Variants in CEP70 observed in about 807,000 individuals in gnomAD.
CEP70 encodes the protein centrosomal protein 70.
CEP70 carries 70 observed loss-of-function variants against 90.9 expected under a neutral mutation model. The observed-to-expected ratio is 0.77, with a 90% CI of 0.64 to 0.94. The LOEUF (loss-of-function observed/expected upper bound fraction) is 0.94, where lower values mean the gene tolerates loss of function less well. Ranked by LOEUF, CEP70 falls within the 40% of genes least tolerant of loss-of-function variation. The pLI is 0.00. For missense variants in CEP70, 648 were observed against 669.0 expected, an observed-to-expected ratio of 0.97 and a Z score of 0.35; for synonymous variants, 220 against 228.3, an observed-to-expected ratio of 0.96 and a Z score of 0.33.
intron 6 of CEP70, among the ~76,000 whole-genome samples, chr3:138,549,529 C>T (rs755187508): frequency 1.3e-5 from 2 of 152,064 alleles, no homozygotes; most frequent in African/African-American, 2.4e-5. Flanking sequence ...GGGACCCATA[C>T]CCCCATGCCC....
Position 138,537,204 on chromosome 3 carries a change from TC to T in CEP70, c.608del (p.Arg203LysfsTer14). 1 of 1,574,702 alleles carries T rather than the reference TC, an allele frequency of 6.4e-7. No homozygotes were observed. The highest frequency in any genetic ancestry group is 8.6e-7 in the Non-Finnish European group (1 of 1,164,848). On this transcript the variant is annotated frameshift_variant, in exon 7 of 18. Coordinates refer to ENST00000264982, the MANE Select transcript of CEP70 (RefSeq NM_024491.4). LOFTEE classifies it high-confidence loss of function. ...QNRVFAYLCK[R>X]VPHTVLDRQL... ...GTCTATCCAAGACGGTATGAGGAAC[TC>T]TTTTGCACAGATAGGCAAACACTCT...
At chr3:138,496,428 A>C in intron 17 of CEP70, 2 of 985,436 alleles carry the variant, frequency 2.0e-6, no homozygotes, top group Non-Finnish European at 1.2e-6. Context: ...ATTTGTTTAC[A>C]ATTCCCTTAC....
chr3:138,528,906 C>T (rs780979848), intron 10 of CEP70, among the ~76,000 whole-genome samples: 6 of 152,112 alleles, frequency 3.9e-5, no homozygotes, highest in Non-Finnish European at 8.8e-5. Flanking sequence ...GCAGAAGAAT[C>T]GCTTGAACCT....
chr3:138,570,546 C>T (rs761552628), intron 5 of CEP70, 48 bp from the exon 6 acceptor site: 22 of 1,428,270 alleles, frequency 1.5e-5, no homozygotes, highest in East Asian at 4.8e-5. Context: ...AAAAATAAAT[C>T]GAATTACCAA....
At chr3:138,589,022 G>A (rs2042245276) in intron 2 of CEP70, among the ~76,000 whole-genome samples, 1 of 152,184 alleles carries the variant, frequency 6.6e-6, no homozygotes, top group Admixed American at 6.5e-5. Flanking sequence ...AACCAACTGT[G>A]GTGATAGAAA....
At chr3:138,528,085 C>T (rs1560338992) in intron 10 of CEP70, among the ~76,000 whole-genome samples, 1 of 147,286 alleles carries the variant, frequency 6.8e-6, no homozygotes, top group African/African-American at 2.5e-5. Context: ...CGCTCTGTCA[C>T]ACAGGCTGGA....
At chr3:138,497,783 A>AT (rs2034082690) in intron 17 of CEP70, 1 of 985,098 alleles carries the variant, frequency 1.0e-6, no homozygotes, top group African/African-American at 1.7e-5. Context: ...CATGGACAGA[A>AT]TGATGCCATC....
chr3:138,581,694 CAAA>C (rs35064874), intron 2 of CEP70, among the ~76,000 whole-genome samples: 14 of 79,332 alleles, frequency 1.8e-4, no homozygotes, highest in African/African-American at 4.8e-4. Context: ...AAACTTGTCT[CAAA>C]AAAAAAAAAA....
chr3:138,587,800 AAAG>A (rs771819449), intron 2 of CEP70, among the ~76,000 whole-genome samples: 1 of 152,144 alleles, frequency 6.6e-6, no homozygotes, highest in African/African-American at 2.4e-5. Context: ...AATGAATGAA[AAAG>A]AAGAACAAAG....
At chr3:138,519,852 T>C (rs1350254093) in intron 11 of CEP70, among the ~76,000 whole-genome samples, 1 of 152,142 alleles carries the variant, frequency 6.6e-6, no homozygotes, top group Non-Finnish European at 1.5e-5. Flanking sequence ...TAAATGTAAA[T>C]GGGCTAAATG....
At chr3:138,496,184 T>G (rs1035555290) in intron 17 of CEP70, 1 of 985,448 alleles carries the variant, frequency 1.0e-6, no homozygotes, top group African/African-American at 1.7e-5. Flanking sequence ...TGTTAAGCCA[T>G]CATTAATAAA....
At chr3:138,555,348 C>G (rs141535394) in intron 6 of CEP70, among the ~76,000 whole-genome samples, 32 of 151,632 alleles carry the variant, frequency 2.1e-4, no homozygotes, top group African/African-American at 7.7e-4. Context: ...CAGAAAAACC[C>G]TTCTAGACAT....
At chr3:138,570,239 C>T (rs2041071206) in intron 6 of CEP70, 79 bp downstream of exon 6, 2 of 926,122 alleles carry the variant, frequency 2.2e-6, no homozygotes, top group South Asian at 4.0e-5. Flanking sequence ...CTGAATCAAA[C>T]AACATGGAAG....
At chr3:138,519,469 C>T (rs544913873) in intron 11 of CEP70, among the ~76,000 whole-genome samples, 8 of 152,234 alleles carry the variant, frequency 5.3e-5, no homozygotes, top group African/African-American at 1.9e-4. Flanking sequence ...GCCCATCAGA[C>T]TAACAGCTCA....
chr3:138,579,169 A>T (rs2041715265), intron 2 of CEP70, among the ~76,000 whole-genome samples: 1 of 152,212 alleles, frequency 6.6e-6, no homozygotes. Flanking sequence ...CATTTAGACC[A>T]GTCCTAGCCA....
At chr3:138,565,105 G>A (rs1010662286) in intron 6 of CEP70, among the ~76,000 whole-genome samples, 19 of 152,032 alleles carry the variant, frequency 1.2e-4, no homozygotes, top group African/African-American at 4.3e-4. Context: ...ATTGCTACTA[G>A]GAGAATTAAA....
intron 2 of CEP70, among the ~76,000 whole-genome samples, chr3:138,573,531 C>T (rs1576901148): frequency 6.6e-6 from 1 of 152,068 alleles, no homozygotes; most frequent in Non-Finnish European, 1.5e-5. Context: ...AATATATTTT[C>T]AAACACATGA....
intron 6 of CEP70, among the ~76,000 whole-genome samples, chr3:138,549,007 G>A (rs1030387994): frequency 2.6e-5 from 4 of 152,106 alleles, no homozygotes; most frequent in African/African-American, 9.7e-5. Context: ...AAATTAGAGA[G>A]CTGAGCAAAA....
chr3:138,549,858 G>A (rs761367243), intron 6 of CEP70, among the ~76,000 whole-genome samples: 3 of 152,144 alleles, frequency 2.0e-5, no homozygotes, highest in Non-Finnish European at 4.4e-5. Context: ...ATCCACTGCT[G>A]AGAGACATGA....
Sources: allele counts gnomAD v4.1 joint callset (sites outside exome capture counted in the v4.1 genomes callset), GRCh38; gene constraint gnomAD v4.1.1; transcripts MANE v1.5; gene names NCBI Gene and HGNC (gene_info 2026-07-23, HGNC 2026-07-21).